MTCL1: variants seen among roughly 807,000 people sequenced by gnomAD.
The protein encoded by MTCL1 is microtubule crosslinking factor 1, also known as microtubule cross-linking factor 1.
In MTCL1, 79 loss-of-function variants were observed where a neutral mutation model predicts 141.4. That is an observed-to-expected ratio of 0.56 (90% CI 0.47 to 0.67). The LOEUF (loss-of-function observed/expected upper bound fraction) is 0.67, where lower values mean the gene tolerates loss of function less well. MTCL1 is among the 30% of genes least tolerant of loss of function. MTCL1 has a pLI of 0.00. For synonymous variants in MTCL1, 914 were observed against 875.8 expected, an observed-to-expected ratio of 1.04 and a Z score of -0.77; for missense variants, 2,177 against 2,113.9, an observed-to-expected ratio of 1.03 and a Z score of -0.59.
chr18:8,792,680 G>A (rs946944537), intron 7 of MTCL1, among the ~76,000 whole-genome samples: 2 of 152,226 alleles, frequency 1.3e-5, no homozygotes, highest in African/African-American at 4.8e-5. Flanking sequence ...CACTGTGGGA[G>A]CAAGGACACC....
chr18:8,829,057 C>A, intron 16 of MTCL1: 1 of 1,602,362 alleles, frequency 6.2e-7, no homozygotes, highest in South Asian at 1.1e-5. Context: ...TGAGGGAGTT[C>A]TGCCCGGTGG....
chr18:8,736,729 C>T (rs9960777), intron 4 of MTCL1, among the ~76,000 whole-genome samples: 9,266 of 151,290 alleles, frequency 0.061, 553 homozygotes, highest in African/African-American at 0.16. Context: ...GCTCTGCCTC[C>T]CGGGTTCATG....
chr18:8,760,913 C>T (rs1177274351), intron 4 of MTCL1, among the ~76,000 whole-genome samples: 4 of 152,084 alleles, frequency 2.6e-5, no homozygotes, highest in Admixed American at 6.5e-5. Flanking sequence ...ATGAAGAAAC[C>T]ATGCATGTTG....
chr18:8,770,814 C>G (rs1267683463), intron 4 of MTCL1, among the ~76,000 whole-genome samples: 1 of 152,072 alleles, frequency 6.6e-6, no homozygotes, highest in Non-Finnish European at 1.5e-5. Context: ...GGAGGGTTTT[C>G]CACTGGATCT....
At chr18:8,732,354 C>T (rs1263820060) in intron 4 of MTCL1, among the ~76,000 whole-genome samples, 1 of 152,128 alleles carries the variant, frequency 6.6e-6, no homozygotes, top group Admixed American at 6.6e-5. Flanking sequence ...TCAAACAATC[C>T]TCCCACCTCA....
chr18:8,708,493 A>C (rs188001321), intron 1 of MTCL1, among the ~76,000 whole-genome samples: 19 of 152,236 alleles, frequency 1.2e-4, no homozygotes, highest in African/African-American at 4.6e-4. Flanking sequence ...ACAGACGGAG[A>C]TGCTGAGAAC....
At chr18:8,783,269 T>TC (rs397827494) in intron 5 of MTCL1, among the ~76,000 whole-genome samples, 17 of 151,772 alleles carry the variant, frequency 1.1e-4, no homozygotes, top group South Asian at 2.1e-4. Flanking sequence ...CTTTTTTTTT[T>TC]CCAAACTAAT....
At chr18:8,727,852 T>TTCTTTTC in intron 4 of MTCL1, among the ~76,000 whole-genome samples, 1 of 135,456 alleles carries the variant, frequency 7.4e-6, no homozygotes, top group Middle Eastern at 3.6e-3. Flanking sequence ...TGCTTGCTCC[T>TTCTTTTC]TCTCTCTCTC....
chr18:8,828,885 C>A lies in MTCL1; in HGVS notation c.4723-23C>A, dbSNP rs757110191. On this transcript the variant is annotated intron_variant, in intron 15 of 16. Transcript: ENST00000359865. The surrounding 1 kb of genome is among the most constrained non-coding windows in gnomAD (Gnocchi z 5.2). ...TTTCCAACCTTCTTGCTTTTCTTTT[C>A]TTTCTCTGTCTGTTCTGTCCAGAAC... The A allele has an allele frequency of 1.2e-6, 2 of 1,613,610 alleles. No homozygotes were observed. The highest frequency in any genetic ancestry group is 1.1e-5 in the South Asian group (1 of 91,078).
chr18:8,803,194 C>A, intron 10 of MTCL1, among the ~76,000 whole-genome samples: 1 of 151,392 alleles, frequency 6.6e-6, no homozygotes, highest in African/African-American at 2.4e-5. Flanking sequence ...AAGAAAAAGG[C>A]TTGGCAGGGT....
At chr18:8,829,630 G>GA (rs2077133082) in intron 16 of MTCL1, 1 of 985,268 alleles carries the variant, frequency 1.0e-6, no homozygotes, top group South Asian at 4.7e-5. Context: ...TTTGATCAAG[G>GA]ATATAGTCAT....
chr18:8,714,648 G>A (rs767558654), upstream of MTCL1, among the ~76,000 whole-genome samples: 19 of 152,094 alleles, frequency 1.2e-4, no homozygotes, highest in African/African-American at 3.6e-4. Context: ...TCACTGTCAC[G>A]AGCAGCAGAG....
chr18:8,717,115 C>A (rs547060206), upstream of MTCL1, among the ~76,000 whole-genome samples: 1 of 151,880 alleles, frequency 6.6e-6, no homozygotes, highest in African/African-American at 2.4e-5. Flanking sequence ...GAGGACCTAC[C>A]GTGTGCTCCA....
intron 4 of MTCL1, among the ~76,000 whole-genome samples, chr18:8,774,978 T>C (rs555243409): frequency 6.6e-6 from 1 of 152,046 alleles, no homozygotes; most frequent in African/African-American, 2.4e-5. Context: ...GGGGTAGGGG[T>C]GGCTAGAAGA....
rs764136809 is a variant in MTCL1, at chr18:8,784,551, A to G, written c.1439A>G (p.His480Arg). The stretch of plus-strand genomic sequence containing the variant: ...ATCACGGACACCGACAGCTTCCTCC[A>G]TGATGCGGGGCTGCGGGGTGGTGCG... The change falls in exon 6 of 17, where the codon CAT becomes CGT. Residue 480 changes from histidine to arginine, a missense_variant. Coordinates refer to ENST00000359865, the Ensembl canonical transcript of MTCL1. 1.2e-6 allele frequency: 2 copies of G among 1,607,302 alleles called. No homozygotes were observed. Among genetic ancestry groups the G allele is most frequent in the Admixed American group, 1.7e-5 (1 of 59,584 alleles).
Position 8,786,110 on chromosome 18 carries a change from T to TCGCC in MTCL1, c.1887+20_1887+21insGCCC. The TCGCC allele has an allele frequency of 7.6e-7, 1 of 1,310,348 alleles. No individual in the cohort carries two copies. 81.2% of individuals were successfully genotyped at this position (1,310,348 alleles called of 1,614,324 possible). Reference sequence around the variant, plus strand: ...CCTGGAGGTCAGCGTGGGCAAGCAATCCCCCCCCCCCGCCCTCCCCCTCCT... The same window carrying TCGCC: ...CCTGGAGGTCAGCGTGGGCAAGCAATCGCCCCCCCCCCCCCGCCCTCCCCCTCCT... On this transcript the variant is annotated intron_variant, in intron 7 of 16. Coordinates refer to ENST00000359865, the Ensembl canonical transcript of MTCL1.
exon 1 of MTCL1, chr18:8,706,230 G>T (rs2096058097): frequency 6.5e-6 from 8 of 1,228,042 alleles, no homozygotes; most frequent in Non-Finnish European, 8.1e-6. Flanking sequence ...CCCTCGCGGT[G>T]ACCTCGGTGG....
At chr18:8,806,949 T>C in exon 11 of MTCL1, 1 of 1,613,772 alleles carries the variant, frequency 6.2e-7, no homozygotes, top group East Asian at 2.2e-5. Flanking sequence ...AGGACTTCCG[T>C]GCGGAGCTGC....
intron 4 of MTCL1, among the ~76,000 whole-genome samples, chr18:8,745,209 A>G (rs191053996): frequency 1.3e-5 from 2 of 152,372 alleles, no homozygotes; most frequent in South Asian, 2.1e-4. Flanking sequence ...AGTAAAAAGA[A>G]TACCCATCTT....
Sources: gnomAD v4.1 joint callset for allele counts (sites outside exome capture counted in the v4.1 genomes callset) on GRCh38, gnomAD v4.1.1 for gene constraint, Gnocchi (gnomAD v3.1) non-coding constraint, MANE v1.5 for transcripts, NCBI Gene and HGNC (gene_info 2026-07-23, HGNC 2026-07-21) for gene names.